Variants in NVL observed in about 807,000 individuals in gnomAD.
The protein encoded by NVL is nuclear VCP like, also known as nuclear valosin-containing protein-like.
NVL carries 84 observed loss-of-function variants against 110.2 expected under a neutral mutation model. That is an observed-to-expected ratio of 0.76 (90% CI 0.64 to 0.91). NVL has a LOEUF of 0.91. Among genes scored for constraint, NVL ranks in the 40% least tolerant of loss-of-function variants. The probability of loss-of-function intolerance (pLI) is 0.00; values close to 1 mark genes in which losing one functional copy is unlikely to be tolerated. For synonymous variants in NVL, 354 were observed against 361.1 expected, an observed-to-expected ratio of 0.98 and a Z score of 0.22; for missense variants, 882 against 1,035.9, an observed-to-expected ratio of 0.85 and a Z score of 2.04.
At chr1:224,252,874 T>C (rs995095239) in intron 18 of NVL, among the ~76,000 whole-genome samples, 2 of 152,200 alleles carry the variant, frequency 1.3e-5, no homozygotes, top group African/African-American at 4.8e-5. Context: ...CTCTCCTTTA[T>C]CCTTAGGCAG....
chr1:224,231,132 C>CAAA, intron 22 of NVL, 94 bp downstream of exon 22: 83 of 653,728 alleles, frequency 1.3e-4, no homozygotes, highest in East Asian at 3.5e-4. Flanking sequence ...GACTCCGTCT[C>CAAA]AAAAAAAAAA....
chr1:224,319,618 C>T (rs1034062622), intron 2 of NVL, among the ~76,000 whole-genome samples: 1 of 152,120 alleles, frequency 6.6e-6, no homozygotes, highest in Non-Finnish European at 1.5e-5. Flanking sequence ...GCATGTAACA[C>T]TGACATTTTT....
intron 14 of NVL, 74 bp from the exon 15 acceptor site, chr1:224,286,204 C>A: frequency 3.0e-4 from 276 of 932,468 alleles, no homozygotes; most frequent in Non-Finnish European, 4.2e-4. Flanking sequence ...TTTCCAGATA[C>A]ATATTTTATG....
chr1:224,323,031 T>C (rs1262562237), intron 2 of NVL, among the ~76,000 whole-genome samples: 2 of 151,954 alleles, frequency 1.3e-5, no homozygotes, highest in Middle Eastern at 3.2e-3. Flanking sequence ...GAAGGTTCTA[T>C]AGTTATATAC....
chr1:224,230,175 A>T (rs2102686944), intron 22 of NVL, among the ~76,000 whole-genome samples: 1 of 152,236 alleles, frequency 6.6e-6, no homozygotes, highest in South Asian at 2.1e-4. Flanking sequence ...TATGGTGAAG[A>T]TGTTTTTATT....
intron 13 of NVL, among the ~76,000 whole-genome samples, chr1:224,288,365 T>G (rs541075136): frequency 6.6e-6 from 1 of 152,286 alleles, no homozygotes; most frequent in East Asian, 1.9e-4. Context: ...AAAACACTTA[T>G]GCTGGAGGTA....
At position 224,317,559 on chromosome 1, in the gene NVL, C is replaced by T. The variant is rs539337360; in HGVS notation, c.284+135G>A. The T allele has an allele frequency of 1.3e-3, 826 of 613,130 alleles. 2 individuals carry two copies. The highest frequency in any genetic ancestry group is 1.7e-3 in the Non-Finnish European group (582 of 347,412). 38.0% of individuals were successfully genotyped at this position (613,130 alleles called of 1,614,324 possible). A position where few individuals can be genotyped will look rare whatever the true frequency, so the allele number is the denominator to read the frequency against. ...ATCTCTTTGGGGAATAAAGAACATT[C>T]AATATGGCTGAAGAGGTTAGGTAAA... On this transcript the variant is annotated intron_variant, in intron 4 of 22. Transcript: ENST00000281701.
chr1:224,301,725 G>A (rs779771447), intron 9 of NVL: 2 of 323,102 alleles, frequency 6.2e-6, no homozygotes, highest in Non-Finnish European at 1.2e-5. Flanking sequence ...ATTTGAGCCT[G>A]AGAAGTCAAA....
chr1:224,314,296 A>C (rs1238264471), intron 4 of NVL, among the ~76,000 whole-genome samples: 2 of 152,238 alleles, frequency 1.3e-5, no homozygotes, highest in Non-Finnish European at 2.9e-5. Context: ...CAATAGTGTA[A>C]CACAAATAAA....
intron 16 of NVL, among the ~76,000 whole-genome samples, chr1:224,276,819 T>C (rs1007398197): frequency 6.6e-6 from 1 of 152,174 alleles, no homozygotes; most frequent in Admixed American, 6.5e-5. Flanking sequence ...TTTGATTAAG[T>C]TGAACTATAT....
intron 11 of NVL, among the ~76,000 whole-genome samples, chr1:224,295,358 A>AATTTTTTT (rs1159684890): frequency 4.6e-5 from 7 of 151,864 alleles, no homozygotes; most frequent in African/African-American, 1.5e-4. Flanking sequence ...ACGCCCGGCT[A>AATTTTTTT]ATTTTTTTAT....
intron 10 of NVL, among the ~76,000 whole-genome samples, chr1:224,296,857 C>G (rs540741528): frequency 6.6e-6 from 1 of 152,110 alleles, no homozygotes; most frequent in Non-Finnish European, 1.5e-5. Context: ...ATAGTCTCTT[C>G]ATCAATGCAT....
intron 20 of NVL, among the ~76,000 whole-genome samples, chr1:224,235,972 G>A (rs1660426637): frequency 1.3e-5 from 2 of 151,820 alleles, no homozygotes; most frequent in South Asian, 2.1e-4. Context: ...AAAAGCCGGA[G>A]GGGGCATTGT....
At chr1:224,276,498 A>G in intron 16 of NVL, among the ~76,000 whole-genome samples, 1 of 152,122 alleles carries the variant, frequency 6.6e-6, no homozygotes, top group African/African-American at 2.4e-5. Flanking sequence ...TCAGCCTCCC[A>G]AAATACTGGG....
chr1:224,285,504 A>G (rs1666775402), intron 15 of NVL, among the ~76,000 whole-genome samples: 1 of 152,206 alleles, frequency 6.6e-6, no homozygotes, highest in African/African-American at 2.4e-5. Flanking sequence ...AAAGTTAGAT[A>G]TTACTTTGAT....
chr1:224,301,104 C>G (rs1668359477), intron 9 of NVL, among the ~76,000 whole-genome samples: 1 of 147,176 alleles, frequency 6.8e-6, no homozygotes, highest in Non-Finnish European at 1.5e-5. Context: ...AAAACTCCAT[C>G]TCAAAAAAAA....
At chr1:224,302,104 T>C (rs1276038628) in intron 9 of NVL, among the ~76,000 whole-genome samples, 3 of 152,264 alleles carry the variant, frequency 2.0e-5, no homozygotes, top group Non-Finnish European at 2.9e-5. Context: ...ATGGAATTAT[T>C]AAACAAAAAT....
chr1:224,264,805 A>G (rs1421731545), intron 18 of NVL, among the ~76,000 whole-genome samples: 1 of 152,024 alleles, frequency 6.6e-6, no homozygotes, highest in Non-Finnish European at 1.5e-5. Flanking sequence ...CAGTGGTGCA[A>G]TCTCGGCTCA....
chr1:224,274,077 C>T (rs1665495758), intron 17 of NVL, among the ~76,000 whole-genome samples: 1 of 114,530 alleles, frequency 8.7e-6, no homozygotes, highest in African/African-American at 3.0e-5. Context: ...GAAAATAAAT[C>T]ACAAAAGATT....
Sources: allele counts gnomAD v4.1 joint callset (sites outside exome capture counted in the v4.1 genomes callset), GRCh38; gene constraint gnomAD v4.1.1; transcripts MANE v1.5; gene names NCBI Gene and HGNC (gene_info 2026-07-23, HGNC 2026-07-21).